AP2A1: variants seen among roughly 807,000 people sequenced by gnomAD.
The protein encoded by AP2A1 is adaptor related protein complex 2 subunit alpha 1.
In AP2A1, 21 loss-of-function variants were observed where a neutral mutation model predicts 107.3. The ratio of observed to expected loss-of-function variants is 0.20; its 90% CI spans 0.14 to 0.28. AP2A1 has a LOEUF of 0.28. Ranked by LOEUF, AP2A1 falls within the 10% of genes least tolerant of loss-of-function variation. AP2A1 has a pLI of 1.00. For synonymous variants in AP2A1, 602 were observed against 564.8 expected, an observed-to-expected ratio of 1.07 and a Z score of -0.93; for missense variants, 873 against 1,307.7, an observed-to-expected ratio of 0.67 and a Z score of 5.13.
At chr19:49,791,842 A>C (rs762552597) in intron 4 of AP2A1, 93 bp from the exon 5 acceptor site, 3 of 1,482,308 alleles carry the variant, frequency 2.0e-6, no homozygotes, top group Non-Finnish European at 9.0e-7. Flanking sequence ...CTGGCCTCGC[A>C]CACCCTTCCT....
chr19:49,770,371 G>A (rs149503405), intron 1 of AP2A1, among the ~76,000 whole-genome samples: 34 of 152,254 alleles, frequency 2.2e-4, no homozygotes, highest in African/African-American at 7.5e-4. Flanking sequence ...CTTAGCAAGC[G>A]TATGTTGAAC....
In AP2A1 at chr19:49,805,412, C is replaced by T. The variant is rs755680438; in HGVS notation, c.2345-41C>T. ...GTTCCTGACCCAGACCTCCCGGGGG[C>T]CCACCTCCTCTGTCTGGCTTCCTTG... On this transcript the variant is annotated intron_variant, in intron 18 of 22. Coordinates refer to ENST00000354293, the MANE Select transcript of AP2A1 (RefSeq NM_130787.3). 3.3e-6 allele frequency: 5 copies of T among 1,497,416 alleles called. No individual in the cohort carries two copies. The African/African-American group carries it at 7.0e-5, about 21-fold the overall frequency. The allele number at this position is 1,497,416 out of a possible 1,614,324, so 92.8% of individuals were successfully genotyped here. A position where few individuals can be genotyped will look rare whatever the true frequency, so the allele number is the denominator to read the frequency against.
intron 18 of AP2A1, 78 bp from the exon 19 acceptor site, chr19:49,805,375 G>A: frequency 2.1e-6 from 3 of 1,436,164 alleles, no homozygotes; most frequent in Non-Finnish European, 2.8e-6. Context: ...GGGAGCTGCC[G>A]GGAGCTCTGG....
chr19:49,789,590 C>CTT (rs34385512), intron 4 of AP2A1, among the ~76,000 whole-genome samples: 8 of 107,648 alleles, frequency 7.4e-5, no homozygotes, highest in East Asian at 2.6e-4. Context: ...TGCGCCTGGC[C>CTT]TTTTTTTTTT....
Position 49,798,960 on chromosome 19 carries a change from C to T in AP2A1, c.965+8C>T, listed in dbSNP as rs1568585644. ...CATCATCCACTATGACAGGTGCCCG[C>T]CTGGGCCTATCAGGGCCTGATGCCT... On this transcript the variant is annotated splice_region_variant and intron_variant, in intron 8 of 22. Coordinates refer to ENST00000354293, the MANE Select transcript of AP2A1 (RefSeq NM_130787.3). 1.9e-6 allele frequency: 3 copies of T among 1,551,918 alleles called. No individual in the cohort carries two copies. The highest frequency in any genetic ancestry group is 1.7e-6 in the Non-Finnish European group (2 of 1,147,064).
At chr19:49,806,070 G>T in intron 21 of AP2A1, 49 bp from the exon 22 acceptor site, 1 of 1,596,566 alleles carries the variant, frequency 6.3e-7, no homozygotes, top group South Asian at 1.1e-5. Flanking sequence ...GCCACTGTGT[G>T]GTAACTAACA....
intron 18 of AP2A1, 42 bp downstream of exon 18, chr19:49,803,418 C>G: frequency 1.3e-6 from 2 of 1,559,724 alleles, no homozygotes; most frequent in Non-Finnish European, 1.8e-6. Context: ...CTCTCCACGT[C>G]GGCCTTCCTC....
In AP2A1 at chr19:49,776,315, G is replaced by A. The variant is rs1404146496; in HGVS notation, c.68-5442G>A. Among the ~76,000 whole-genome samples the A allele has an allele frequency of 3.3e-5, 5 of 152,050 alleles. No homozygotes were observed. In the South Asian group the frequency reaches 8.3e-4, roughly 25 times the overall value. On this transcript the variant is annotated intron_variant, in intron 1 of 22. Coordinates refer to ENST00000354293, the MANE Select transcript of AP2A1 (RefSeq NM_130787.3). ...CTGCTGGTCCTCCTGCCTGGAGCGC[G>A]CCTCCCCTTGTTTCTGCCTGGTCCA... is the stretch of plus-strand genomic sequence containing the variant.
intron 8 of AP2A1, 72 bp downstream of exon 8, chr19:49,799,024 A>T: frequency 1.3e-6 from 2 of 1,523,748 alleles, no homozygotes; most frequent in Non-Finnish European, 1.8e-6. Flanking sequence ...CGGACTCCTG[A>T]GTCCTAGGCA....
chr19:49,781,696 G>A (rs2084677413), intron 1 of AP2A1, 61 bp from the exon 2 acceptor site: 7 of 1,511,578 alleles, frequency 4.6e-6, no homozygotes, highest in Non-Finnish European at 6.3e-6. Context: ...GCCTAGGAAA[G>A]AGAGGGCAGG....
At chr19:49,800,493 T>G (rs929554878) in intron 11 of AP2A1, among the ~76,000 whole-genome samples, 1 of 152,234 alleles carries the variant, frequency 6.6e-6, no homozygotes, top group Non-Finnish European at 1.5e-5. Context: ...AGTCTCACTC[T>G]GTTGCCCAGG....
chr19:49,796,106 G>T (rs541203994), intron 7 of AP2A1: 1 of 250,632 alleles, frequency 4.0e-6, no homozygotes, highest in East Asian at 1.0e-4. Flanking sequence ...ATTCCAGGCC[G>T]TGCTACCTGA....
At chr19:49,796,929 C>T (rs1457482146) in intron 7 of AP2A1, 1 of 152,198 alleles carries the variant, frequency 6.6e-6, no homozygotes, top group Admixed American at 6.5e-5. Flanking sequence ...TGTACACACT[C>T]TGAGTATACG....
rs2123648889 is a variant in AP2A1, at chr19:49,767,002, C to A, written c.-132C>A. ...GCCTGCCAGCCCGCCCGCCCGCCCG[C>A]CAGCCAGCCCTCCCCGCGGCCGGCT... On this transcript the variant is annotated 5_prime_UTR_variant, in exon 1 of 23. Transcript: ENST00000354293. 1.1e-6 allele frequency: 1 copy of A among 924,282 alleles called. No individual in the cohort carries two copies. Among genetic ancestry groups the A allele is most frequent in the Non-Finnish European group, 1.5e-6 (1 of 687,986 alleles). The allele number at this position is 924,282 out of a possible 1,614,324, so 57.3% of individuals were successfully genotyped here.
At chr19:49,782,839 G>T in intron 4 of AP2A1, 115 bp downstream of exon 4, 1 of 1,238,432 alleles carries the variant, frequency 8.1e-7, no homozygotes, top group Non-Finnish European at 1.1e-6. Flanking sequence ...CGAGATGTGG[G>T]CTAACGCTGG....
intron 6 of AP2A1, among the ~76,000 whole-genome samples, chr19:49,794,974 A>G (rs1261477340): frequency 1.3e-5 from 2 of 152,182 alleles, no homozygotes; most frequent in African/African-American, 2.4e-5. Context: ...TGATCTTTCA[A>G]TCTTTCACTA....
At chr19:49,779,119 G>A (rs941968294) in intron 1 of AP2A1, among the ~76,000 whole-genome samples, 4 of 151,542 alleles carry the variant, frequency 2.6e-5, no homozygotes, top group African/African-American at 4.8e-5. Context: ...GGCAGATCAC[G>A]AGGTCAGGAG....
At chr19:49,791,825 C>T (rs1045831847) in intron 4 of AP2A1, 110 bp from the exon 5 acceptor site, 1 of 1,407,544 alleles carries the variant, frequency 7.1e-7, no homozygotes, top group Non-Finnish European at 9.6e-7. Flanking sequence ...GCTGTCTGTC[C>T]CTCTCGCTGG....
In AP2A1 at chr19:49,767,220, A is replaced by T. The variant is rs1469314756; in HGVS notation, c.67+20A>T. 1.9e-6 allele frequency: 3 copies of T among 1,609,810 alleles called. No homozygotes were observed. Among genetic ancestry groups the T allele is most frequent in the Non-Finnish European group, 2.5e-6 (3 of 1,179,222 alleles). On this transcript the variant is annotated intron_variant, in intron 1 of 22. Coordinates refer to ENST00000354293, the MANE Select transcript of AP2A1 (RefSeq NM_130787.3). Reference sequence around the variant, plus strand: ...GGAACTGTGAGCGCGCGGCCGGGGGACACTGGAGACGCGGGGGAGGGGGGA... The same window carrying T: ...GGAACTGTGAGCGCGCGGCCGGGGGTCACTGGAGACGCGGGGGAGGGGGGA...
Sources: allele counts gnomAD v4.1 joint callset (sites outside exome capture counted in the v4.1 genomes callset), GRCh38; gene constraint gnomAD v4.1.1; transcripts MANE v1.5; gene names NCBI Gene and HGNC (gene_info 2026-07-23, HGNC 2026-07-21).